The following KCNJ16 variants were observed in gnomAD, a reference collection of about 807,000 sequenced individuals.
The protein encoded by KCNJ16 is potassium inwardly rectifying channel subfamily J member 16, also known as inward rectifier potassium channel 16.
A neutral mutation model predicts 18.5 loss-of-function variants in KCNJ16; 15 were observed. That is an observed-to-expected ratio of 0.81 (90% CI 0.54 to 1.25). KCNJ16 has a LOEUF of 1.25. KCNJ16 is among the 50% of genes most tolerant of loss of function. The pLI is 0.00. For missense variants in KCNJ16, 523 were observed against 525.7 expected (o/e 0.99, Z 0.05); for synonymous variants, 174 against 186.5 (o/e 0.93, Z 0.55).
chr17:70,081,292 C>T (rs2071543100), intron 1 of KCNJ16, among the ~76,000 whole-genome samples: 1 of 152,140 alleles, frequency 6.6e-6, no homozygotes, highest in African/African-American at 2.4e-5. Flanking sequence ...ACATGATTTA[C>T]ACACATTTAA....
intron 2 of KCNJ16, among the ~76,000 whole-genome samples, chr17:70,127,743 A>G (rs73382070): frequency 0.017 from 2,662 of 152,124 alleles, 80 homozygotes; most frequent in African/African-American, 0.06. Flanking sequence ...TCAAATTTCC[A>G]CCAAAACTTA....
chr17:70,132,300 C>T lies in KCNJ16; in HGVS notation c.213C>T (p.Arg71=), dbSNP rs745773308. The T allele has an allele frequency of 7.4e-6, 12 of 1,614,176 alleles. No individual in the cohort carries two copies. The South Asian group carries it at 8.8e-5, about 12-fold the overall frequency. ...CCACTCTTGTGGACACCAAGTGGCG[C>T]CATATGTTTGTGATATTTTCTTTAT... ...IFTTLVDTKW[R]HMFVIFSLSY... Residue 71 remains arginine, a synonymous_variant, in exon 4 of 4, where the codon CGC becomes CGT. Transcript: ENST00000392671.
chr17:70,130,945 T>G lies in KCNJ16; in HGVS notation c.-124T>G, dbSNP rs1445361115. 14 of 1,534,492 alleles carry G rather than the reference T, an allele frequency of 9.1e-6. No homozygotes were observed. The highest frequency in any genetic ancestry group is 1.2e-5 in the Non-Finnish European group (14 of 1,145,584). On this transcript the variant is annotated 5_prime_UTR_variant, in exon 3 of 4. Coordinates refer to ENST00000392671, the MANE Select transcript of KCNJ16 (RefSeq NM_170741.4). ...ACTTTGACTTGAGCTGGGAAATCCT[T>G]TGGCCTATTATACCATGGATGCTAA...
At chr17:70,086,441 T>C (rs1325146633) in intron 1 of KCNJ16, among the ~76,000 whole-genome samples, 2 of 152,240 alleles carry the variant, frequency 1.3e-5, no homozygotes, top group African/African-American at 4.8e-5. Flanking sequence ...AGGTAAAATA[T>C]GTTCAGTGTT....
rs1567784556 is a variant in KCNJ16 at position 70,095,870 on chromosome 17, C to CTCTTTTTTTT, written c.-299-4787_-299-4786insCTTTTTTTTT. 4.2e-5 allele frequency among the ~76,000 whole-genome samples: 4 copies of CTCTTTTTTTT among 95,402 alleles called. 1 individual carries two copies. The highest frequency in any genetic ancestry group is 1.2e-4 in the African/African-American group (3 of 24,246). The allele number at this position is 95,402 out of a possible 152,430, so 62.6% of individuals were successfully genotyped here. ...ATTTGGCATTTTATATTACTTAATC[C>CTCTTTTTTTT]TTTTTTTTTTTTTTTTTTTTTTTTT... On this transcript the variant is annotated intron_variant, in intron 1 of 3. Coordinates refer to ENST00000392671, the MANE Select transcript of KCNJ16 (RefSeq NM_170741.4).
At chr17:70,119,639 T>C (rs1391503295) in intron 2 of KCNJ16, among the ~76,000 whole-genome samples, 1 of 152,196 alleles carries the variant, frequency 6.6e-6, no homozygotes, top group Non-Finnish European at 1.5e-5. Context: ...CCCTTTGAGC[T>C]AAGGCTGGAG....
chr17:70,106,012 G>A (rs537782940), intron 2 of KCNJ16, among the ~76,000 whole-genome samples: 6 of 152,238 alleles, frequency 3.9e-5, no homozygotes, highest in South Asian at 4.1e-4. Flanking sequence ...GATGGAGTGC[G>A]GGTATTTTTT....
rs996381173 is a variant in KCNJ16 at position 70,106,627 on chromosome 17, C to G, written c.-191+5861C>G. On this transcript the variant is annotated intron_variant, in intron 2 of 3. Transcript: ENST00000392671. The stretch of plus-strand genomic sequence containing the variant: ...ATGGGATACAGTTGCAATATCAAAG[C>G]TGCCTCTGACAACTAATACCAGCCC... 3.3e-5 allele frequency among the ~76,000 whole-genome samples: 5 copies of G among 152,180 alleles called. 1 individual carries two copies. The highest frequency in any genetic ancestry group is 1.2e-4 in the African/African-American group (5 of 41,440).
intron 1 of KCNJ16, among the ~76,000 whole-genome samples, chr17:70,082,492 G>C (rs1349035387): frequency 6.6e-6 from 1 of 152,136 alleles, no homozygotes; most frequent in Non-Finnish European, 1.5e-5. Context: ...GAATTTAATT[G>C]AACATGTGGA....
rs534178541 is a variant in KCNJ16 at position 70,112,504 on chromosome 17, G to GA, written c.-191+11749dup. 2.7e-3 allele frequency among the ~76,000 whole-genome samples: 388 copies of GA among 143,694 alleles called. 1 individual carries two copies. Among genetic ancestry groups the GA allele is most frequent in the African/African-American group, 8.1e-3 (320 of 39,660 alleles). The allele number at this position is 143,694 out of a possible 152,430, so 94.3% of individuals were successfully genotyped here. A position where few individuals can be genotyped will look rare whatever the true frequency, so the allele number is the denominator to read the frequency against. Reference sequence around the variant, plus strand: ...TTCCCTTGTCTTGAACTCTATGAATGAAAAAAAAAAATAGTGTTGGTTTAT... The same window carrying GA: ...TTCCCTTGTCTTGAACTCTATGAATGAAAAAAAAAAAATAGTGTTGGTTTAT... On this transcript the variant is annotated intron_variant, in intron 2 of 3. Transcript: ENST00000392671.
intron 2 of KCNJ16, among the ~76,000 whole-genome samples, chr17:70,127,120 A>G (rs1405548857): frequency 6.6e-6 from 1 of 152,150 alleles, no homozygotes; most frequent in Non-Finnish European, 1.5e-5. Context: ...ATATCAGGAG[A>G]GGGGTAAAAT....
At chr17:70,111,937 C>CT (rs1011114884) in intron 2 of KCNJ16, among the ~76,000 whole-genome samples, 70 of 152,224 alleles carry the variant, frequency 4.6e-4, no homozygotes, top group African/African-American at 1.6e-3. Flanking sequence ...TCAGGTATGT[C>CT]TTTATCAGCA....
At chr17:70,090,868 A>C (rs894790847) in intron 1 of KCNJ16, among the ~76,000 whole-genome samples, 5 of 152,246 alleles carry the variant, frequency 3.3e-5, no homozygotes, top group African/African-American at 1.2e-4. Flanking sequence ...TGTAACAAAA[A>C]CATTGTCCAG....
chr17:70,123,852 A>G (rs528577377), intron 2 of KCNJ16, among the ~76,000 whole-genome samples: 4 of 152,332 alleles, frequency 2.6e-5, no homozygotes, highest in African/African-American at 9.6e-5. Flanking sequence ...TCAGGTTTAG[A>G]AATGATTGCT....
chr17:70,091,859 T>C (rs2072105350), intron 1 of KCNJ16, among the ~76,000 whole-genome samples: 1 of 152,110 alleles, frequency 6.6e-6, no homozygotes, highest in South Asian at 2.1e-4. Flanking sequence ...TCGGGGAGTG[T>C]GGAGTTCATC....
intron 1 of KCNJ16, among the ~76,000 whole-genome samples, chr17:70,088,339 G>A (rs2071933496): frequency 1.3e-5 from 2 of 152,206 alleles, no homozygotes; most frequent in Admixed American, 1.3e-4. Context: ...TAGGATTCGT[G>A]CTTCTATGAG....
intron 1 of KCNJ16, among the ~76,000 whole-genome samples, chr17:70,083,597 T>G (rs997921906): frequency 5.3e-5 from 8 of 152,166 alleles, no homozygotes; most frequent in African/African-American, 1.9e-4. Context: ...TAATAGGCTA[T>G]ACCATACAGC....
Position 70,130,957 on chromosome 17 carries a change from A to G in KCNJ16, c.-112A>G, listed in dbSNP as rs951394941. 3.2e-5 allele frequency: 49 copies of G among 1,535,428 alleles called. No individual in the cohort carries two copies. Among genetic ancestry groups the G allele is most frequent in the Non-Finnish European group, 4.2e-5 (48 of 1,146,308 alleles). On this transcript the variant is annotated 5_prime_UTR_variant, in exon 3 of 4. In the 5' UTR this introduces an upstream ATG that the reference lacks. Transcript: ENST00000392671. ...GCTGGGAAATCCTTTGGCCTATTAT[A>G]CCATGGATGCTAAAAATGGTAAGAG...
At chr17:70,116,954 T>A (rs1178870501) in intron 2 of KCNJ16, among the ~76,000 whole-genome samples, 1 of 152,120 alleles carries the variant, frequency 6.6e-6, no homozygotes, top group Non-Finnish European at 1.5e-5. Context: ...TGTTACTGGG[T>A]ATATATTCAA....
Sources: gnomAD v4.1 joint callset for allele counts (sites outside exome capture counted in the v4.1 genomes callset) on GRCh38, gnomAD v4.1.1 for gene constraint, MANE v1.5 for transcripts, NCBI Gene and HGNC (gene_info 2026-07-23, HGNC 2026-07-21) for gene names.